The following TRHDE variants were observed in gnomAD, a reference collection of about 807,000 sequenced individuals.
TRHDE encodes thyrotropin-releasing hormone-degrading ectoenzyme.
A neutral mutation model predicts 125.7 loss-of-function variants in TRHDE; 72 were observed. That is an observed-to-expected ratio of 0.57 (90% CI 0.47 to 0.70). The LOEUF is 0.70. Ranked by LOEUF, TRHDE falls within the 30% of genes least tolerant of loss-of-function variation. The pLI, the probability that TRHDE is intolerant of heterozygous loss-of-function variation, is 0.00. For missense variants in TRHDE, 1,110 were observed against 1,327.1 expected (o/e 0.84, Z 2.54); for synonymous variants, 509 against 509.1 (o/e 1.00, Z 0.00).
At chr12:72,512,489 TAATA>T (rs1878634719) in intron 6 of TRHDE, among the ~76,000 whole-genome samples, 1 of 139,220 alleles carries the variant, frequency 7.2e-6, no homozygotes, top group Non-Finnish European at 1.5e-5. Context: ...TATATAATAA[TAATA>T]TATTATATAG....
intron 3 of TRHDE, among the ~76,000 whole-genome samples, chr12:72,447,224 G>C (rs575373504): frequency 6.6e-6 from 1 of 151,968 alleles, no homozygotes; most frequent in East Asian, 1.9e-4. Flanking sequence ...ACTCAAAACT[G>C]CTCAACTACA....
chr12:72,257,257 T>C (rs1348876547), intron 2 of TRHDE: 2 of 152,124 alleles, frequency 1.3e-5, no homozygotes, highest in African/African-American at 4.8e-5. Context: ...AGGTAACAAG[T>C]GGAAAATTCC....
chr12:72,572,055 C>A (rs1472417206), intron 10 of TRHDE, among the ~76,000 whole-genome samples: 1 of 135,226 alleles, frequency 7.4e-6, no homozygotes, highest in Admixed American at 7.5e-5. Context: ...ACGGATCTGT[C>A]AGTTATTTAA....
chr12:72,532,540 G>A (rs1015862435), intron 6 of TRHDE, among the ~76,000 whole-genome samples: 3 of 150,864 alleles, frequency 2.0e-5, no homozygotes, highest in African/African-American at 7.3e-5. Flanking sequence ...TTTAAAGATT[G>A]CCTTTATTGT....
intron 3 of TRHDE, among the ~76,000 whole-genome samples, chr12:72,467,904 A>G (rs1876461234): frequency 6.6e-6 from 1 of 152,218 alleles, no homozygotes; most frequent in South Asian, 2.1e-4. Context: ...ACCTTATTAT[A>G]AGACTGTTGA....
chr12:72,640,726 C>T (rs1392468826), intron 15 of TRHDE, among the ~76,000 whole-genome samples: 2 of 152,158 alleles, frequency 1.3e-5, no homozygotes, highest in African/African-American at 4.8e-5. Flanking sequence ...GGAGCTGTTC[C>T]TATTTGGCCA....
At chr12:72,475,357 A>T (rs1876842431) in intron 5 of TRHDE, among the ~76,000 whole-genome samples, 1 of 152,116 alleles carries the variant, frequency 6.6e-6, no homozygotes, top group African/African-American at 2.4e-5. Flanking sequence ...TGTGTTATGC[A>T]TAGGTGTTGC....
chr12:72,297,567 T>C (rs1225707614), intron 2 of TRHDE, among the ~76,000 whole-genome samples: 3 of 152,168 alleles, frequency 2.0e-5, no homozygotes, highest in African/African-American at 7.2e-5. Flanking sequence ...TAAATCAGGC[T>C]TCAGATTCAT....
At chr12:72,586,318 A>G (rs955010412) in intron 12 of TRHDE, among the ~76,000 whole-genome samples, 2 of 152,198 alleles carry the variant, frequency 1.3e-5, no homozygotes, top group African/African-American at 4.8e-5. Flanking sequence ...AGTAACATAC[A>G]CTTTGTTTAT....
chr12:72,644,005 G>A (rs1354985410), intron 15 of TRHDE, among the ~76,000 whole-genome samples: 1 of 152,186 alleles, frequency 6.6e-6, no homozygotes, highest in Non-Finnish European at 1.5e-5. Flanking sequence ...CCCTCTTGAA[G>A]GGTATACAAT....
At chr12:72,120,162 T>C (rs574949322) in intron 2 of TRHDE, among the ~76,000 whole-genome samples, 3 of 151,994 alleles carry the variant, frequency 2.0e-5, no homozygotes, top group Non-Finnish European at 4.4e-5. Flanking sequence ...GTGATTCTCC[T>C]GCCTCAGCCT....
chr12:72,329,058 C>A (rs1356841814), intron 2 of TRHDE, among the ~76,000 whole-genome samples: 1 of 152,124 alleles, frequency 6.6e-6, no homozygotes, highest in Admixed American at 6.5e-5. Flanking sequence ...CATTCCATCA[C>A]AAAAATATTT....
chr12:72,224,138 C>T lies in TRHDE; in HGVS notation n.279+118386C>T, dbSNP rs1485005289. Among the ~76,000 whole-genome samples, 17 of 53,126 alleles carry T rather than the reference C, an allele frequency of 3.2e-4. No homozygotes were observed. In the East Asian group the frequency reaches 3.6e-3, roughly 11 times the overall value. The allele number at this position is 53,126 out of a possible 152,430, so 34.9% of individuals were successfully genotyped here. A position where few individuals can be genotyped will look rare whatever the true frequency, so the allele number is the denominator to read the frequency against. ...TCTATCTATCTATCTATCTATCTAT[C>T]TATTTATCTATGTATGTATGTATGT... is the stretch of plus-strand genomic sequence containing the variant. On this transcript the variant is annotated intron_variant and non_coding_transcript_variant, in intron 2 of 4. Transcript: ENST00000548156.
At chr12:72,170,963 G>A (rs1566263931) in intron 2 of TRHDE, among the ~76,000 whole-genome samples, 4 of 152,106 alleles carry the variant, frequency 2.6e-5, no homozygotes, top group Admixed American at 2.0e-4. Context: ...TCTGGGTAAT[G>A]GGAAAGAATC....
chr12:72,208,608 C>A (rs1244236971), intron 2 of TRHDE, among the ~76,000 whole-genome samples: 2 of 152,106 alleles, frequency 1.3e-5, no homozygotes, highest in Non-Finnish European at 2.9e-5. Context: ...CTAAAATCCT[C>A]TGCATCTATT....
chr12:72,527,709 G>A (rs1403174153), intron 6 of TRHDE, among the ~76,000 whole-genome samples: 2 of 151,654 alleles, frequency 1.3e-5, no homozygotes, highest in Admixed American at 6.6e-5. Context: ...ATTTTAATAT[G>A]TTAAAAATAT....
intron 2 of TRHDE, among the ~76,000 whole-genome samples, chr12:72,168,861 G>A (rs1842804374): frequency 6.6e-6 from 1 of 152,116 alleles, no homozygotes; most frequent in African/African-American, 2.4e-5. Flanking sequence ...TTAGGATTCT[G>A]TCTTATTTAC....
At chr12:72,321,333 A>T (rs1869082424) in intron 2 of TRHDE, among the ~76,000 whole-genome samples, 1 of 152,256 alleles carries the variant, frequency 6.6e-6, no homozygotes, top group East Asian at 1.9e-4. Context: ...GTGCACAGAT[A>T]ATTTTTCTCC....
chr12:72,498,963 A>ATG (rs72163048), intron 5 of TRHDE, among the ~76,000 whole-genome samples: 10,218 of 147,202 alleles, frequency 0.069, 363 homozygotes, highest in Middle Eastern at 0.14. Flanking sequence ...CAGAAAATAA[A>ATG]TGTGTGTGTG....
Sources: gnomAD v4.1 joint callset for allele counts (sites outside exome capture counted in the v4.1 genomes callset) on GRCh38, gnomAD v4.1.1 for gene constraint, MANE v1.5 for transcripts, NCBI Gene and HGNC (gene_info 2026-07-23, HGNC 2026-07-21) for gene names.